EFEMP1: variants seen among roughly 807,000 people sequenced by gnomAD.
The protein encoded by EFEMP1 is EGF-like fibulin extracellular matrix protein 1.
EFEMP1 carries 18 observed loss-of-function variants against 65.7 expected under a neutral mutation model. The observed-to-expected ratio is 0.27, with a 90% CI of 0.19 to 0.41. The LOEUF (loss-of-function observed/expected upper bound fraction) is 0.41, where lower values mean the gene tolerates loss of function less well. Among genes scored for constraint, EFEMP1 ranks in the 10% least tolerant of loss-of-function variants. The probability of loss-of-function intolerance (pLI) is 1.00; values close to 1 mark genes in which losing one functional copy is unlikely to be tolerated. For missense variants in EFEMP1, 469 were observed against 624.8 expected (o/e 0.75, Z 2.66); for synonymous variants, 237 against 219.7 (o/e 1.08, Z -0.70).
chr2:55,910,443 A>T (rs1670440155), intron 5 of EFEMP1, among the ~76,000 whole-genome samples: 1 of 152,170 alleles, frequency 6.6e-6, no homozygotes. Flanking sequence ...ACATTGGGAA[A>T]ATTTTTGTTT....
intron 5 of EFEMP1, among the ~76,000 whole-genome samples, chr2:55,916,312 G>T (rs1157605502): frequency 6.6e-6 from 1 of 152,144 alleles, no homozygotes; most frequent in African/African-American, 2.4e-5. Context: ...GTTTCGCCAT[G>T]TTGGCCAGGC....
At position 55,881,624 on chromosome 2, in the gene EFEMP1, C is replaced by G; in HGVS notation, c.628G>C (p.Glu210Gln). The change falls in exon 6 of 12, where the codon GAG becomes CAG. Residue 210 changes from glutamate (E) to glutamine (Q), a missense_variant. Transcript: ENST00000355426. Reference sequence around the variant, plus strand: ...CTGTGGTACTTACCTACGCACTGCTCCCCTCGCTTCTGATATCCAGGAGGG... The same window carrying G: ...CTGTGGTACTTACCTACGCACTGCTGCCCTCGCTTCTGATATCCAGGAGGG... ...QCPPGYQKRG[E>Q]QCVDIDECTI... is the part of the protein sequence containing the mutation. 1 of 1,613,738 alleles carries G rather than the reference C, an allele frequency of 6.2e-7. No homozygotes were observed. The highest frequency in any genetic ancestry group is 1.7e-5 in the Admixed American group (1 of 60,000).
chr2:55,907,306 T>C (rs1388929956), intron 5 of EFEMP1, among the ~76,000 whole-genome samples: 3 of 152,224 alleles, frequency 2.0e-5, no homozygotes, highest in African/African-American at 7.2e-5. Flanking sequence ...TGTGTGCACA[T>C]GTGTGGGCAT....
chr2:55,898,971 C>T (rs1161714335), intron 5 of EFEMP1, among the ~76,000 whole-genome samples: 2 of 152,198 alleles, frequency 1.3e-5, no homozygotes, highest in Non-Finnish European at 2.9e-5. Flanking sequence ...TAGCAAGAGA[C>T]ATGAAAGGAG....
chr2:55,868,418 A>G (rs1668669360), intron 11 of EFEMP1, among the ~76,000 whole-genome samples: 1 of 152,168 alleles, frequency 6.6e-6, no homozygotes, highest in Admixed American at 6.6e-5. Context: ...GCTATGAAGA[A>G]TAATAGTAAG....
At position 55,918,256 on chromosome 2, in the gene EFEMP1, G is replaced by A. The variant is rs141747986; in HGVS notation, c.93C>T (p.Asp31=). The change falls in exon 4 of 12, where the codon GAC becomes GAT. Residue 31 remains aspartate (D), a synonymous_variant. Transcript: ENST00000355426. ...EETITYTQCT[D]GYEWDPVRQQ... is the part of the protein sequence containing the mutation. The stretch of plus-strand genomic sequence containing the variant: ...GTCTCACAGGATCCCACTCATATCC[G>A]TCAGTGCATTGCTGTGAAGAAAACA... 8.1e-6 allele frequency: 13 copies of A among 1,614,030 alleles called. No homozygotes were observed. In the East Asian group the frequency reaches 8.9e-5, roughly 11 times the overall value.
In EFEMP1 at chr2:55,921,632, C is replaced by G. The variant is rs1414540415; in HGVS notation, c.81+728G>C. 6.6e-6 allele frequency among the ~76,000 whole-genome samples: 1 copy of G among 152,206 alleles called. No individual in the cohort carries two copies. Among genetic ancestry groups the G allele is most frequent in the Non-Finnish European group, 1.5e-5 (1 of 68,040 alleles). On this transcript the variant is annotated intron_variant, in intron 3 of 11. Coordinates refer to ENST00000355426, the MANE Select transcript of EFEMP1 (RefSeq NM_001039348.3). This position sits in a 1 kb window ranked among gnomAD's most constrained non-coding sequence, Gnocchi z 4.1. ...CTGTCCTTCTCTGTTCTCACCACAA[C>G]TATTTGTAGCAGTGGGAGGGGTCAG...
rs930166342 is a variant in EFEMP1 at position 55,883,644 on chromosome 2, T to A, written c.518-1910A>T. ...CCTCAGCAGTGACTGAGGCTTTTCT[T>A]TTTGACATCTATCTGCAAACTGCCT... On this transcript the variant is annotated intron_variant, in intron 5 of 11. Coordinates refer to ENST00000355426, the MANE Select transcript of EFEMP1 (RefSeq NM_001039348.3). This position sits in a 1 kb window ranked among gnomAD's most constrained non-coding sequence, Gnocchi z 4.5. Among the ~76,000 whole-genome samples, 46 of 152,152 alleles carry A rather than the reference T, an allele frequency of 3.0e-4. No homozygotes were observed. The highest frequency in any genetic ancestry group is 1.9e-4 in the Non-Finnish European group (13 of 68,026).
chr2:55,885,075 A>T lies in EFEMP1; in HGVS notation c.518-3341T>A, dbSNP rs1333859038. On this transcript the variant is annotated intron_variant, in intron 5 of 11. Transcript: ENST00000355426. The surrounding 1 kb of genome is among the most constrained non-coding windows in gnomAD (Gnocchi z 4.3). ...ATCTGAGAAACACAGCAAAATCAGT[A>T]AGATGTTAGTAAAAGAAAAATGATG... 6.6e-6 allele frequency among the ~76,000 whole-genome samples: 1 copy of T among 152,210 alleles called. No homozygotes were observed. The highest frequency in any genetic ancestry group is 2.4e-5 in the African/African-American group (1 of 41,464).
At position 55,922,444 on chromosome 2, in the gene EFEMP1, G is replaced by T. The variant is rs778134258; in HGVS notation, c.-4C>A. ...TTAGGAAAAGGGCTTTCAACATTGTGAATCTCAAAGAAAATACAGGACAAA... is the reference window on the plus strand; with the variant it reads ...TTAGGAAAAGGGCTTTCAACATTGTTAATCTCAAAGAAAATACAGGACAAA... On this transcript the variant is annotated 5_prime_UTR_variant, in exon 3 of 12. Coordinates refer to ENST00000355426, the MANE Select transcript of EFEMP1 (RefSeq NM_001039348.3). The surrounding 1 kb of genome is among the most constrained non-coding windows in gnomAD (Gnocchi z 5.5). 2 of 1,613,224 alleles carry T rather than the reference G, an allele frequency of 1.2e-6. No individual in the cohort carries two copies. Among genetic ancestry groups the T allele is most frequent in the Non-Finnish European group, 1.7e-6 (2 of 1,179,346 alleles).
intron 5 of EFEMP1, among the ~76,000 whole-genome samples, chr2:55,888,334 CTTTTTT>C (rs71713705): frequency 7.0e-5 from 8 of 114,310 alleles, no homozygotes; most frequent in Non-Finnish European, 1.0e-4. Flanking sequence ...CCTTCTTAAA[CTTTTTT>C]TTTTTTTTTT....
chr2:55,897,871 GGGGTTGT>G (rs1669887989), intron 5 of EFEMP1, among the ~76,000 whole-genome samples: 1 of 152,144 alleles, frequency 6.6e-6, no homozygotes, highest in Non-Finnish European at 1.5e-5. Flanking sequence ...GGATGGTAGG[GGGGTTGT>G]GGGGTAGAAT....
intron 5 of EFEMP1, among the ~76,000 whole-genome samples, chr2:55,914,164 A>G (rs1353535417): frequency 6.6e-6 from 1 of 152,206 alleles, no homozygotes; most frequent in Admixed American, 6.5e-5. Flanking sequence ...GGAAACAATT[A>G]ATTTCGAAAA....
In EFEMP1 at chr2:55,901,969, CAG is replaced by C. The variant is rs1178807532; in HGVS notation, c.517+15694_517+15695del. On this transcript the variant is annotated intron_variant, in intron 5 of 11. Transcript: ENST00000355426. ...TGAAGGTGGAAGAATTTATGAGAAA[CAG>C]AGGCAGGAAGTCAATCCTGCCAGCA... is the stretch of plus-strand genomic sequence containing the variant. Among the ~76,000 whole-genome samples, 18 of 152,262 alleles carry C rather than the reference CAG, an allele frequency of 1.2e-4. 1 individual carries two copies. In the South Asian group the frequency reaches 3.3e-3, roughly 28 times the overall value.
Position 55,883,877 on chromosome 2 carries a change from G to A in EFEMP1, c.518-2143C>T, listed in dbSNP as rs181908093. On this transcript the variant is annotated intron_variant, in intron 5 of 11. Transcript: ENST00000355426. The surrounding 1 kb of genome is among the most constrained non-coding windows in gnomAD (Gnocchi z 4.5). Reference sequence around the variant, plus strand: ...GTGGGTTATTTAATAAAAATATTAGGTGAGTTAAATTAATAAAAACAAACA... The same window carrying A: ...GTGGGTTATTTAATAAAAATATTAGATGAGTTAAATTAATAAAAACAAACA... Among the ~76,000 whole-genome samples the A allele has an allele frequency of 5.5e-4, 83 of 152,168 alleles. No individual in the cohort carries two copies. Among genetic ancestry groups the A allele is most frequent in the African/African-American group, 1.9e-3 (80 of 41,512 alleles).
In EFEMP1 at chr2:55,916,511, T is replaced by C. The variant is rs533490256; in HGVS notation, c.517+1154A>G. Among the ~76,000 whole-genome samples the C allele has an allele frequency of 2.6e-5, 4 of 152,212 alleles. No homozygotes were observed. The South Asian group carries it at 8.3e-4, about 32-fold the overall frequency. ...GGCAGCATCCCAGGGCACAAGAAAA[T>C]GCATCTTTCATTTAATGTAGCAGCT... is the stretch of plus-strand genomic sequence containing the variant. On this transcript the variant is annotated intron_variant, in intron 5 of 11. Coordinates refer to ENST00000355426, the MANE Select transcript of EFEMP1 (RefSeq NM_001039348.3).
In EFEMP1 at chr2:55,871,948, A is replaced by G. The variant is rs752918410; in HGVS notation, c.1001-825T>C. On this transcript the variant is annotated intron_variant, in intron 9 of 11. Transcript: ENST00000355426. The surrounding 1 kb of genome is among the most constrained non-coding windows in gnomAD (Gnocchi z 4.2). Reference sequence around the variant, plus strand: ...TGCCAAAGAAGTCAGAGGGAGAGAGAATCCTGGGAAGAAGGGTTGTGTTTA... The same window carrying G: ...TGCCAAAGAAGTCAGAGGGAGAGAGGATCCTGGGAAGAAGGGTTGTGTTTA... Among the ~76,000 whole-genome samples the G allele has an allele frequency of 8.6e-5, 13 of 151,952 alleles. No individual in the cohort carries two copies. Among genetic ancestry groups the G allele is most frequent in the Non-Finnish European group, 1.3e-4 (9 of 67,964 alleles).
rs546792729 is a variant in EFEMP1 at position 55,908,461 on chromosome 2, C to T, written c.517+9204G>A. ...GTGAGAATGGGGGGAGATGGGGAGA[C>T]GTTAATCAAAGGGTACAAAGTTTCA... On this transcript the variant is annotated intron_variant, in intron 5 of 11. Transcript: ENST00000355426. 1.5e-4 allele frequency among the ~76,000 whole-genome samples: 23 copies of T among 151,998 alleles called. No individual in the cohort carries two copies. The South Asian group carries it at 4.2e-3, about 27-fold the overall frequency.
chr2:55,918,661 G>A (rs1287504589), intron 3 of EFEMP1, among the ~76,000 whole-genome samples: 2 of 58,032 alleles, frequency 3.4e-5, no homozygotes, highest in Non-Finnish European at 6.9e-5. Flanking sequence ...CCTCTCCCCC[G>A]CCCCCACCCC....
Sources: allele counts gnomAD v4.1 joint callset (sites outside exome capture counted in the v4.1 genomes callset), GRCh38; gene constraint gnomAD v4.1.1; non-coding constraint Gnocchi (gnomAD v3.1); transcripts MANE v1.5; gene names NCBI Gene and HGNC (gene_info 2026-07-23, HGNC 2026-07-21).